Variants in TENM3 observed in about 807,000 individuals in gnomAD.
The protein encoded by TENM3 is teneurin-3.
A neutral mutation model predicts 255.1 loss-of-function variants in TENM3; 63 were observed. That is an observed-to-expected ratio of 0.25 (90% confidence interval 0.20 to 0.30). The LOEUF is 0.30. TENM3 is among the 10% of genes least tolerant of loss of function. The pLI is 1.00. For synonymous variants in TENM3, 1,306 were observed against 1,322.3 expected, an observed-to-expected ratio of 0.99 and a Z score of 0.27; for missense variants, 2,929 against 3,461.1, an observed-to-expected ratio of 0.85 and a Z score of 3.86.
the TENM3 span, among the ~76,000 whole-genome samples, chr4:181,721,915 T>C: frequency 6.6e-6 from 1 of 152,120 alleles, no homozygotes; most frequent in Non-Finnish European, 1.5e-5. Flanking sequence ...GATGTGCTGA[T>C]GCAGTAGTGC....
chr4:181,989,049 A>G, the TENM3 span, among the ~76,000 whole-genome samples: 1 of 152,040 alleles, frequency 6.6e-6, no homozygotes, highest in South Asian at 2.1e-4. Flanking sequence ...ACCCCCAAAT[A>G]TCTTATATTT....
the TENM3 span, among the ~76,000 whole-genome samples, chr4:181,819,609 G>A: frequency 6.6e-6 from 1 of 152,188 alleles, no homozygotes; most frequent in African/African-American, 2.4e-5. Context: ...TCCACAGATG[G>A]AGGGTGGCAG....
the TENM3 span, among the ~76,000 whole-genome samples, chr4:181,609,807 A>C: frequency 3.3e-5 from 5 of 152,206 alleles, no homozygotes; most frequent in African/African-American, 1.2e-4. Context: ...CACATATTCG[A>C]TTTTAACAAA....
chr4:182,200,981 C>A (rs941151282), intron 1 of TENM3, among the ~76,000 whole-genome samples: 1 of 152,076 alleles, frequency 6.6e-6, no homozygotes, highest in Admixed American at 6.6e-5. Context: ...TACACCACCA[C>A]GCCCAGCTAA....
the TENM3 span, among the ~76,000 whole-genome samples, chr4:181,467,161 G>A: frequency 5.6e-5 from 6 of 107,230 alleles, no homozygotes; most frequent in African/African-American, 2.3e-4. Context: ...GCAGAGTCTC[G>A]CTCTGTTCCC....
At chr4:181,462,571 T>C in the TENM3 span, among the ~76,000 whole-genome samples, 12 of 152,360 alleles carry the variant, frequency 7.9e-5, no homozygotes, top group East Asian at 1.2e-3. Context: ...ATATTTTGCC[T>C]GGTTTTCAAA....
At chr4:181,718,455 ATAGC>A in the TENM3 span, among the ~76,000 whole-genome samples, 1 of 152,308 alleles carries the variant, frequency 6.6e-6, no homozygotes, top group African/African-American at 2.4e-5. Context: ...TCAAACCTCC[ATAGC>A]TCATGATTAT....
chr4:182,565,422 T>C (rs1743673946), intron 3 of TENM3, among the ~76,000 whole-genome samples: 1 of 152,224 alleles, frequency 6.6e-6, no homozygotes, highest in Non-Finnish European at 1.5e-5. Flanking sequence ...ATTGTCAAGT[T>C]TCTTATAATT....
At chr4:181,741,061 G>T in the TENM3 span, among the ~76,000 whole-genome samples, 1 of 152,140 alleles carries the variant, frequency 6.6e-6, no homozygotes, top group Non-Finnish European at 1.5e-5. Context: ...TAGCATCAAG[G>T]CTGTCTTTCT....
chr4:181,842,750 AT>A, the TENM3 span, among the ~76,000 whole-genome samples: 2 of 152,198 alleles, frequency 1.3e-5, no homozygotes, highest in Non-Finnish European at 2.9e-5. Flanking sequence ...TTTTGAGGAA[AT>A]GTTAACATTG....
the TENM3 span, among the ~76,000 whole-genome samples, chr4:181,577,815 T>C: frequency 6.6e-6 from 1 of 152,144 alleles, no homozygotes; most frequent in South Asian, 2.1e-4. Context: ...ACCAATGTGA[T>C]CTAATTTTTG....
chr4:182,195,964 A>G (rs1426392030), intron 1 of TENM3, among the ~76,000 whole-genome samples: 2 of 152,144 alleles, frequency 1.3e-5, no homozygotes, highest in African/African-American at 4.8e-5. Flanking sequence ...TTTGAAATCA[A>G]TAACCCTTCT....
At chr4:181,748,957 C>T in the TENM3 span, among the ~76,000 whole-genome samples, 2,279 of 152,084 alleles carry the variant, frequency 0.015, 65 homozygotes, top group African/African-American at 0.053. Context: ...ATAAGTCAAA[C>T]ATATTTTTTA....
chr4:182,681,750 C>A (rs2152566759), intron 10 of TENM3, 64 bp from the exon 11 acceptor site: 2 of 1,179,474 alleles, frequency 1.7e-6, no homozygotes, highest in Non-Finnish European at 2.4e-6. Context: ...GGATTTAATT[C>A]TTTTTTCTGC....
chr4:182,705,343 G>C (rs1284951576), intron 12 of TENM3, among the ~76,000 whole-genome samples: 2 of 152,164 alleles, frequency 1.3e-5, no homozygotes, highest in East Asian at 3.8e-4. Flanking sequence ...CTACTCCAAG[G>C]ACTTCACAGT....
At chr4:182,732,576 A>G (rs1452766666) in intron 16 of TENM3, among the ~76,000 whole-genome samples, 1 of 152,248 alleles carries the variant, frequency 6.6e-6, no homozygotes, top group Non-Finnish European at 1.5e-5. Flanking sequence ...CTATAATTCC[A>G]GCACTTTGGG....
At chr4:182,580,252 T>C (rs1049040357) in intron 3 of TENM3, among the ~76,000 whole-genome samples, 3 of 152,168 alleles carry the variant, frequency 2.0e-5, no homozygotes, top group Admixed American at 6.5e-5. Flanking sequence ...TTTGGAAGTT[T>C]GGTTCTTTCC....
the TENM3 span, among the ~76,000 whole-genome samples, chr4:181,468,132 C>CCAAAAAA: frequency 0.014 from 1,843 of 130,688 alleles, 159 homozygotes; most frequent in Middle Eastern, 0.033. Context: ...CCCATCTGTA[C>CCAAAAAA]AAAAAAAAAA....
chr4:181,990,922 CA>C, the TENM3 span, among the ~76,000 whole-genome samples: 1 of 151,904 alleles, frequency 6.6e-6, no homozygotes, highest in Admixed American at 6.6e-5. Context: ...GGGGTGCAAG[CA>C]AATAACAAAA....
Sources: allele counts gnomAD v4.1 joint callset (sites outside exome capture counted in the v4.1 genomes callset), GRCh38; gene constraint gnomAD v4.1.1; transcripts MANE v1.5; gene names NCBI Gene and HGNC (gene_info 2026-07-23, HGNC 2026-07-21).